TPRG1: variants seen among roughly 807,000 people sequenced by gnomAD.
TPRG1 encodes the protein tumor protein p63-regulated gene 1 protein.
TPRG1 carries 29 observed loss-of-function variants against 29.3 expected under a neutral mutation model. That is an observed-to-expected ratio of 0.99 (90% CI 0.74 to 1.35). The LOEUF (loss-of-function observed/expected upper bound fraction) is 1.35, where lower values mean the gene tolerates loss of function less well. Among genes scored for constraint, TPRG1 ranks in the 40% most tolerant of loss-of-function variants. The probability of loss-of-function intolerance (pLI) is 0.00; values close to 1 mark genes in which losing one functional copy is unlikely to be tolerated. For synonymous variants in TPRG1, 130 were observed against 116.8 expected, an observed-to-expected ratio of 1.11 and a Z score of -0.73; for missense variants, 327 against 335.0, an observed-to-expected ratio of 0.98 and a Z score of 0.19.
intron 4 of TPRG1, among the ~76,000 whole-genome samples, chr3:189,266,562 A>T (rs1714124536): frequency 6.6e-6 from 1 of 152,150 alleles, no homozygotes; most frequent in African/African-American, 2.4e-5. Flanking sequence ...GAGACAGGAG[A>T]TCCGTTTTTG....
At chr3:189,121,111 C>G (rs1484301428) in intron 1 of TPRG1, among the ~76,000 whole-genome samples, 1 of 152,070 alleles carries the variant, frequency 6.6e-6, no homozygotes, top group Non-Finnish European at 1.5e-5. Flanking sequence ...AAAACCAAAA[C>G]AATTATAGAA....
chr3:189,131,011 T>C (rs1185811081), intron 2 of TPRG1, among the ~76,000 whole-genome samples: 14 of 152,184 alleles, frequency 9.2e-5, no homozygotes, highest in Admixed American at 9.2e-4. Flanking sequence ...CTCTGGCCGG[T>C]AAAATACCTA....
intron 4 of TPRG1, among the ~76,000 whole-genome samples, chr3:189,293,482 C>A (rs1233611748): frequency 2.0e-5 from 3 of 151,960 alleles, no homozygotes; most frequent in Non-Finnish European, 4.4e-5. Context: ...GGAAAGGGAG[C>A]AAAAGGTGCC....
chr3:189,318,466 G>T (rs970467785), intron 5 of TPRG1, among the ~76,000 whole-genome samples: 7 of 152,150 alleles, frequency 4.6e-5, no homozygotes, highest in African/African-American at 1.7e-4. Flanking sequence ...TGGAGAGTCG[G>T]CACTATAGAT....
At chr3:189,282,499 C>T (rs1464764678) in intron 4 of TPRG1, among the ~76,000 whole-genome samples, 2 of 152,068 alleles carry the variant, frequency 1.3e-5, no homozygotes, top group Non-Finnish European at 2.9e-5. Context: ...TCTTCCATCT[C>T]TCTCCTTTTT....
intron 5 of TPRG1, among the ~76,000 whole-genome samples, chr3:189,311,372 G>A (rs1018868738): frequency 6.6e-6 from 1 of 151,958 alleles, no homozygotes; most frequent in African/African-American, 2.4e-5. Flanking sequence ...TATTTGCTAT[G>A]AATTCAAAAC....
chr3:189,142,646 T>C (rs1379946118), intron 3 of TPRG1, among the ~76,000 whole-genome samples: 2 of 152,202 alleles, frequency 1.3e-5, no homozygotes, highest in Non-Finnish European at 2.9e-5. Flanking sequence ...AACTCAACCC[T>C]GCATGGTGCT....
chr3:189,220,615 G>A (rs1252342967), intron 3 of TPRG1, among the ~76,000 whole-genome samples: 1 of 152,070 alleles, frequency 6.6e-6, no homozygotes, highest in African/African-American at 2.4e-5. Context: ...AGGCCCCAGT[G>A]TGTGTTGTTC....
chr3:189,027,322 T>C (rs917133778), intron 4 of TPRG1, among the ~76,000 whole-genome samples: 2 of 152,200 alleles, frequency 1.3e-5, no homozygotes, highest in African/African-American at 4.8e-5. Context: ...GTATTCAGAA[T>C]GCCTACAAGC....
intron 4 of TPRG1, among the ~76,000 whole-genome samples, chr3:189,292,129 A>C (rs1279775098): frequency 6.6e-6 from 1 of 152,222 alleles, no homozygotes; most frequent in African/African-American, 2.4e-5. Flanking sequence ...GATGATTCTA[A>C]ATATAGCAAT....
At chr3:189,307,848 C>G (rs1488538065) in intron 4 of TPRG1, among the ~76,000 whole-genome samples, 2 of 152,176 alleles carry the variant, frequency 1.3e-5, no homozygotes, top group African/African-American at 4.8e-5. Flanking sequence ...TGAGAAATAG[C>G]TGATTTGTGC....
At chr3:188,999,842 C>T (rs1711946585) in intron 1 of TPRG1, among the ~76,000 whole-genome samples, 1 of 151,992 alleles carries the variant, frequency 6.6e-6, no homozygotes, top group South Asian at 2.1e-4. Flanking sequence ...CACATATATA[C>T]ATATATACGT....
At chr3:189,071,670 G>A (rs1481259675) in intron 4 of TPRG1, among the ~76,000 whole-genome samples, 1 of 152,210 alleles carries the variant, frequency 6.6e-6, no homozygotes, top group Non-Finnish European at 1.5e-5. Context: ...TCCTCTGCCT[G>A]ACACCTTTCA....
intron 1 of TPRG1, among the ~76,000 whole-genome samples, chr3:189,124,997 T>A (rs1722282483): frequency 6.6e-6 from 1 of 152,242 alleles, no homozygotes. Flanking sequence ...CTTTAATCTG[T>A]TCTACCTTCA....
intron 4 of TPRG1, among the ~76,000 whole-genome samples, chr3:189,080,445 C>G (rs973849322): frequency 1.3e-5 from 2 of 152,174 alleles, no homozygotes; most frequent in Non-Finnish European, 2.9e-5. Context: ...AAGTAAAATA[C>G]TGGCTTGTCT....
chr3:189,244,772 A>G (rs1396190544), intron 4 of TPRG1, among the ~76,000 whole-genome samples: 1 of 152,194 alleles, frequency 6.6e-6, no homozygotes, highest in African/African-American at 2.4e-5. Flanking sequence ...ACACAGATCC[A>G]AACCATATCA....
chr3:189,143,167 T>TA (rs1724800788), intron 3 of TPRG1, among the ~76,000 whole-genome samples: 1 of 152,064 alleles, frequency 6.6e-6, no homozygotes, highest in African/African-American at 2.4e-5. Context: ...CATCTTTTTT[T>TA]TATATAGGAT....
intron 3 of TPRG1, among the ~76,000 whole-genome samples, chr3:189,019,116 T>G (rs1023163231): frequency 6.6e-6 from 1 of 151,486 alleles, no homozygotes; most frequent in Non-Finnish European, 1.5e-5. Flanking sequence ...GCTTATCAGC[T>G]TAAGGAGATT....
intron 4 of TPRG1, among the ~76,000 whole-genome samples, chr3:189,049,203 T>G (rs1715156295): frequency 6.6e-6 from 1 of 152,176 alleles, no homozygotes; most frequent in African/African-American, 2.4e-5. Context: ...ACGGAAGAAC[T>G]AAAGCCCTTT....
Sources: gnomAD v4.1 joint callset for allele counts (sites outside exome capture counted in the v4.1 genomes callset) on GRCh38, gnomAD v4.1.1 for gene constraint, MANE v1.5 for transcripts, NCBI Gene and HGNC (gene_info 2026-07-23, HGNC 2026-07-21) for gene names.